SH3RF3: variants seen among roughly 807,000 people sequenced by gnomAD.
SH3RF3 encodes SH3 domain containing ring finger 3, also known as E3 ubiquitin-protein ligase SH3RF3.
In SH3RF3, 29 loss-of-function variants were observed where a neutral mutation model predicts 66.3. The ratio of observed to expected loss-of-function variants is 0.44; its 90% CI spans 0.33 to 0.60. SH3RF3 has a LOEUF of 0.60. SH3RF3 is among the 20% of genes least tolerant of loss of function. SH3RF3 has a pLI of 0.04. For missense variants in SH3RF3, 1,194 were observed against 1,190.9 expected, an observed-to-expected ratio of 1.00 and a Z score of -0.04; for synonymous variants, 583 against 532.0, an observed-to-expected ratio of 1.10 and a Z score of -1.32.
At chr2:109,483,850 C>T (rs1678896473) in intron 8 of SH3RF3, among the ~76,000 whole-genome samples, 1 of 152,164 alleles carries the variant, frequency 6.6e-6, no homozygotes, top group Admixed American at 6.5e-5. Context: ...TCAGCAGCCC[C>T]ACCATCCCCT....
At chr2:109,132,270 A>T (rs1676716672) in intron 1 of SH3RF3, among the ~76,000 whole-genome samples, 1 of 152,236 alleles carries the variant, frequency 6.6e-6, no homozygotes. Context: ...TTAGGTATAT[A>T]GGTAAGTATT....
chr2:109,485,038 G>A (rs187297430), intron 8 of SH3RF3, among the ~76,000 whole-genome samples: 65 of 152,332 alleles, frequency 4.3e-4, no homozygotes, highest in African/African-American at 1.4e-3. Flanking sequence ...ACCCATCAGC[G>A]TGTGCAGCGC....
At chr2:109,270,908 A>G (rs1295273665) in intron 1 of SH3RF3, among the ~76,000 whole-genome samples, 2 of 152,230 alleles carry the variant, frequency 1.3e-5, no homozygotes, top group African/African-American at 2.4e-5. Context: ...CTCACACAGC[A>G]TCAGGAGGGA....
At chr2:109,268,382 C>T (rs1348665170) in intron 1 of SH3RF3, among the ~76,000 whole-genome samples, 1 of 151,934 alleles carries the variant, frequency 6.6e-6, no homozygotes, top group Non-Finnish European at 1.5e-5. Flanking sequence ...CCGTTTCACC[C>T]GCACAACTGC....
chr2:109,455,549 T>C (rs1258780545), intron 8 of SH3RF3, among the ~76,000 whole-genome samples: 1 of 152,158 alleles, frequency 6.6e-6, no homozygotes, highest in Non-Finnish European at 1.5e-5. Flanking sequence ...ACACTCATGA[T>C]ATTATATAGG....
At chr2:109,148,114 C>T (rs189466374) in intron 1 of SH3RF3, among the ~76,000 whole-genome samples, 70 of 152,310 alleles carry the variant, frequency 4.6e-4, no homozygotes, top group African/African-American at 1.6e-3. Flanking sequence ...TCCTACACAG[C>T]CCCCTTTGTG....
chr2:109,426,158 C>G (rs1291230990), intron 5 of SH3RF3, among the ~76,000 whole-genome samples: 1 of 152,230 alleles, frequency 6.6e-6, no homozygotes, highest in Admixed American at 6.5e-5. Flanking sequence ...ATCCGTCCGC[C>G]TTGGCCTCCC....
At chr2:109,195,826 T>C (rs1678485350) in intron 1 of SH3RF3, among the ~76,000 whole-genome samples, 1 of 152,184 alleles carries the variant, frequency 6.6e-6, no homozygotes, top group Non-Finnish European at 1.5e-5. Context: ...ACCTGCTGAT[T>C]TGTGTCGCCT....
At chr2:109,164,371 A>G (rs1460590313) in intron 1 of SH3RF3, among the ~76,000 whole-genome samples, 2 of 152,036 alleles carry the variant, frequency 1.3e-5, no homozygotes, top group Non-Finnish European at 2.9e-5. Flanking sequence ...TTTGTTAGAG[A>G]TGGGGTCTTG....
At chr2:109,308,900 G>A (rs1362150339) in intron 1 of SH3RF3, among the ~76,000 whole-genome samples, 3 of 79,302 alleles carry the variant, frequency 3.8e-5, no homozygotes, top group African/African-American at 1.0e-4. Flanking sequence ...TTGACTTGGT[G>A]ATGCGGGCCC....
intron 5 of SH3RF3, among the ~76,000 whole-genome samples, chr2:109,421,062 C>T (rs1305541882): frequency 6.6e-6 from 1 of 152,204 alleles, no homozygotes; most frequent in African/African-American, 2.4e-5. Flanking sequence ...TGCCATGCTC[C>T]TAGCTCAGTT....
intron 1 of SH3RF3, among the ~76,000 whole-genome samples, chr2:109,212,014 T>C (rs1678994599): frequency 6.6e-6 from 1 of 152,218 alleles, no homozygotes; most frequent in Non-Finnish European, 1.5e-5. Flanking sequence ...AAATGACTGA[T>C]TGAGCACCTG....
chr2:109,383,549 T>G (rs59694179), intron 3 of SH3RF3, among the ~76,000 whole-genome samples: 10,747 of 152,240 alleles, frequency 0.071, 961 homozygotes, highest in African/African-American at 0.21. Flanking sequence ...GGTGCAGGCT[T>G]CTGCGGGCTG....
chr2:109,478,467 T>A (rs1215038714), intron 8 of SH3RF3, among the ~76,000 whole-genome samples: 6 of 152,192 alleles, frequency 3.9e-5, no homozygotes, highest in African/African-American at 1.4e-4. Flanking sequence ...TTGGTTTGAA[T>A]GTATTCAGTT....
At chr2:109,231,132 T>A (rs1194116854) in intron 1 of SH3RF3, among the ~76,000 whole-genome samples, 1 of 152,248 alleles carries the variant, frequency 6.6e-6, no homozygotes, top group African/African-American at 2.4e-5. Context: ...TAGCATGGAC[T>A]TAGTGACCCC....
At chr2:109,275,715 G>T (rs1312082916) in intron 1 of SH3RF3, among the ~76,000 whole-genome samples, 1 of 152,256 alleles carries the variant, frequency 6.6e-6, no homozygotes, top group African/African-American at 2.4e-5. Context: ...TCCTCATCTC[G>T]CTGTTTGCCG....
intron 8 of SH3RF3, among the ~76,000 whole-genome samples, chr2:109,474,896 C>T (rs575113689): frequency 6.6e-6 from 1 of 152,366 alleles, no homozygotes; most frequent in South Asian, 2.1e-4. Flanking sequence ...GGAAGGGCAG[C>T]ACCCCTCCCT....
At chr2:109,418,387 G>A (rs775698144) in intron 4 of SH3RF3, among the ~76,000 whole-genome samples, 12 of 152,082 alleles carry the variant, frequency 7.9e-5, no homozygotes, top group African/African-American at 2.7e-4. Flanking sequence ...TCTAGAGGTC[G>A]GAAGCCCCAA....
At chr2:109,222,071 T>G (rs1679258288) in intron 1 of SH3RF3, among the ~76,000 whole-genome samples, 1 of 151,952 alleles carries the variant, frequency 6.6e-6, no homozygotes, top group Non-Finnish European at 1.5e-5. Context: ...TGCAGGTGGT[T>G]ATGGTAAATG....
Sources: allele counts gnomAD v4.1 joint callset (sites outside exome capture counted in the v4.1 genomes callset), GRCh38; gene constraint gnomAD v4.1.1; transcripts MANE v1.5; gene names NCBI Gene and HGNC (gene_info 2026-07-23, HGNC 2026-07-21).